The following CNTNAP5 variants were observed in gnomAD, a reference collection of about 807,000 sequenced individuals.
CNTNAP5 encodes the protein contactin associated protein family member 5.
In CNTNAP5, 72 loss-of-function variants were observed where a neutral mutation model predicts 150.2. The ratio of observed to expected loss-of-function variants is 0.48; its 90% confidence interval spans 0.40 to 0.58. CNTNAP5 has a LOEUF of 0.58. Among genes scored for constraint, CNTNAP5 ranks in the 20% least tolerant of loss-of-function variants. The pLI is 0.00. For synonymous variants in CNTNAP5, 672 were observed against 619.8 expected (o/e 1.08, Z -1.25); for missense variants, 1,636 against 1,626.2 (o/e 1.01, Z -0.10).
chr2:124,503,962 A>C (rs946148781), intron 7 of CNTNAP5, among the ~76,000 whole-genome samples: 2 of 152,156 alleles, frequency 1.3e-5, no homozygotes, highest in African/African-American at 4.8e-5. Context: ...TGAGCTTGGC[A>C]CATAGTTGAC....
chr2:124,207,851 G>A (rs930013628), intron 1 of CNTNAP5, among the ~76,000 whole-genome samples: 1 of 152,154 alleles, frequency 6.6e-6, no homozygotes, highest in Non-Finnish European at 1.5e-5. Flanking sequence ...TGACAGATTT[G>A]CAAACTCTAA....
intron 20 of CNTNAP5, among the ~76,000 whole-genome samples, chr2:124,868,626 T>C (rs897431698): frequency 2.6e-5 from 4 of 152,122 alleles, no homozygotes; most frequent in Admixed American, 1.3e-4. Flanking sequence ...TCCAATACAA[T>C]GTATTTACTT....
intron 10 of CNTNAP5, among the ~76,000 whole-genome samples, chr2:124,556,476 C>T (rs1573456404): frequency 6.6e-6 from 1 of 152,026 alleles, no homozygotes; most frequent in African/African-American, 2.4e-5. Context: ...AGTCTTAAGG[C>T]TAGTTTAAGG....
At chr2:124,794,881 C>T (rs1681812225) in intron 18 of CNTNAP5, among the ~76,000 whole-genome samples, 1 of 152,130 alleles carries the variant, frequency 6.6e-6, no homozygotes, top group Non-Finnish European at 1.5e-5. Flanking sequence ...TCATGATAAA[C>T]ACGTAGCCAC....
At position 124,915,146 on chromosome 2, in the gene CNTNAP5, A is replaced by G. The variant is rs1338096495; in HGVS notation, c.*858A>G. ...ATTATACTGAGATATATATATATAC[A>G]CACACACACACATATGTGTATATAT... On this transcript the variant is annotated 3_prime_UTR_variant, in exon 24 of 24. Coordinates refer to ENST00000682447, the MANE Select transcript of CNTNAP5 (RefSeq NM_001367498.1). 1 of 165,328 alleles carries G rather than the reference A, an allele frequency of 6.0e-6. No homozygotes were observed. The highest frequency in any genetic ancestry group is 1.9e-4 in the East Asian group (1 of 5,140). The allele number at this position is 165,328 out of a possible 1,614,324, so 10.2% of individuals were successfully genotyped here.
At chr2:124,503,288 G>A (rs1195028455) in intron 7 of CNTNAP5, among the ~76,000 whole-genome samples, 1 of 152,160 alleles carries the variant, frequency 6.6e-6, no homozygotes, top group East Asian at 1.9e-4. Flanking sequence ...AAACATGGTT[G>A]GCACCTACGG....
intron 17 of CNTNAP5, among the ~76,000 whole-genome samples, chr2:124,775,422 G>A (rs1488962146): frequency 1.3e-5 from 2 of 152,162 alleles, no homozygotes; most frequent in African/African-American, 4.8e-5. Context: ...ATTGAGTGTA[G>A]CATTACTTAA....
chr2:124,321,595 T>C (rs1261215337), intron 3 of CNTNAP5, among the ~76,000 whole-genome samples: 2 of 152,196 alleles, frequency 1.3e-5, no homozygotes, highest in East Asian at 3.8e-4. Context: ...TACCTGCTCA[T>C]TAGAGTAAAT....
intron 19 of CNTNAP5, among the ~76,000 whole-genome samples, chr2:124,818,654 C>G (rs981493544): frequency 1.3e-5 from 2 of 152,204 alleles, no homozygotes; most frequent in South Asian, 2.1e-4. Flanking sequence ...TCTCCTCCCC[C>G]ACTTTCCACT....
chr2:124,823,349 G>A (rs902679790), intron 19 of CNTNAP5, among the ~76,000 whole-genome samples: 14 of 152,172 alleles, frequency 9.2e-5, no homozygotes, highest in African/African-American at 3.4e-4. Flanking sequence ...GTTGGATGTC[G>A]AGATCTCTTT....
At chr2:124,302,279 G>A (rs1465231047) in intron 3 of CNTNAP5, among the ~76,000 whole-genome samples, 13 of 151,894 alleles carry the variant, frequency 8.6e-5, no homozygotes, top group Non-Finnish European at 1.5e-5. Context: ...AAATAAATAA[G>A]TAAAAGCATG....
chr2:124,132,620 A>G (rs1046973126), intron 1 of CNTNAP5, among the ~76,000 whole-genome samples: 39 of 152,296 alleles, frequency 2.6e-4, no homozygotes, highest in African/African-American at 9.4e-4. Context: ...TAAGCATCCA[A>G]TAATTGTGAT....
intron 23 of CNTNAP5, among the ~76,000 whole-genome samples, chr2:124,913,641 G>A (rs1678702158): frequency 6.6e-6 from 1 of 152,042 alleles, no homozygotes; most frequent in Non-Finnish European, 1.5e-5. Context: ...CATCAGGAGA[G>A]CATGTGTTAA....
At chr2:124,626,745 G>A (rs1222768425) in intron 12 of CNTNAP5, among the ~76,000 whole-genome samples, 1 of 152,144 alleles carries the variant, frequency 6.6e-6, no homozygotes, top group Non-Finnish European at 1.5e-5. Context: ...TGTAGCCAGG[G>A]AGCCAAGCAA....
intron 7 of CNTNAP5, among the ~76,000 whole-genome samples, chr2:124,497,874 G>A (rs1167659398): frequency 6.6e-6 from 1 of 152,180 alleles, no homozygotes; most frequent in African/African-American, 2.4e-5. Flanking sequence ...ATCTTCTGAA[G>A]TTCTTCGTCT....
At chr2:124,898,552 C>T (rs749102089) in intron 21 of CNTNAP5, among the ~76,000 whole-genome samples, 4 of 151,452 alleles carry the variant, frequency 2.6e-5, no homozygotes, top group Admixed American at 6.6e-5. Flanking sequence ...GCTTTACTTA[C>T]AAGAAATAAA....
At chr2:124,863,270 G>C (rs1677562456) in intron 19 of CNTNAP5, among the ~76,000 whole-genome samples, 1 of 152,162 alleles carries the variant, frequency 6.6e-6, no homozygotes, top group South Asian at 2.1e-4. Flanking sequence ...TCTTAGAAAA[G>C]TGTGGAAGGG....
chr2:124,849,620 G>A (rs1683115560), intron 19 of CNTNAP5, among the ~76,000 whole-genome samples: 2 of 152,066 alleles, frequency 1.3e-5, no homozygotes, highest in African/African-American at 2.4e-5. Flanking sequence ...AGCTCATTTG[G>A]GGGTGGTATG....
chr2:124,626,203 G>A (rs1303895794), intron 12 of CNTNAP5, among the ~76,000 whole-genome samples: 2 of 152,148 alleles, frequency 1.3e-5, no homozygotes, highest in African/African-American at 4.8e-5. Context: ...GCTTGGGTTT[G>A]ACCTTGGAAG....
Sources: allele counts gnomAD v4.1 joint callset (sites outside exome capture counted in the v4.1 genomes callset), GRCh38; gene constraint gnomAD v4.1.1; transcripts MANE v1.5; gene names NCBI Gene and HGNC (gene_info 2026-07-23, HGNC 2026-07-21).